The following DMD variants were observed in gnomAD, a reference collection of about 807,000 sequenced individuals.
DMD encodes mutant dystrophin.
DMD carries 63 observed loss-of-function variants against 330.1 expected under a neutral mutation model. That is an observed-to-expected ratio of 0.19 (90% CI 0.16 to 0.24). The LOEUF is 0.24. Ranked by LOEUF, DMD falls within the 10% of genes least tolerant of loss-of-function variation. The pLI is 1.00. For synonymous variants in DMD, 1,223 were observed against 959.8 expected, an observed-to-expected ratio of 1.27 and a Z score of -5.07; for missense variants, 3,344 against 2,684.1, an observed-to-expected ratio of 1.25 and a Z score of -5.43.
rs564166886 is a variant in DMD, at chrX:33,075,199, C to T, written c.32-54999G>A. 4.5e-5 allele frequency among the ~76,000 whole-genome samples: 5 copies of T among 111,825 alleles called. No homozygotes were observed. In the South Asian group the frequency reaches 1.9e-3, roughly 42 times the overall value. On this transcript the variant is annotated intron_variant, in intron 1 of 78. Transcript: ENST00000357033. The stretch of plus-strand genomic sequence containing the variant: ...TGACTGATGGCTCCACCTGCACCTG[C>T]CAACTGCTCCTGTGGCCCCGCCCAG...
At chrX:31,173,701 T>G in intron 71 of DMD, 97 bp from the exon 72 acceptor site, 1 of 685,695 alleles carries the variant, frequency 1.5e-6, no homozygotes. Flanking sequence ...TAGAATGCTT[T>G]TATTCTAATT....
intron 60 of DMD, among the ~76,000 whole-genome samples, chrX:31,376,918 C>G (rs1216946899): frequency 8.9e-6 from 1 of 112,068 alleles, no homozygotes; most frequent in African/African-American, 3.2e-5. Context: ...CCTTGCGGTT[C>G]TAACCCAGCA....
At chrX:32,700,341 C>G (rs1744012119) in intron 7 of DMD, among the ~76,000 whole-genome samples, 1 of 111,150 alleles carries the variant, frequency 9.0e-6, no homozygotes, top group African/African-American at 3.3e-5. Context: ...CATGATCTCA[C>G]TAACACATGG....
At chrX:32,704,591 C>T (rs1272309630) in intron 7 of DMD, among the ~76,000 whole-genome samples, 1 of 112,324 alleles carries the variant, frequency 8.9e-6, no homozygotes, top group African/African-American at 3.2e-5. Flanking sequence ...TATAAATGTG[C>T]ACTCACAAAG....
chrX:31,868,368 A>T (rs1480742639), intron 48 of DMD, among the ~76,000 whole-genome samples: 1 of 112,478 alleles, frequency 8.9e-6, no homozygotes, highest in Non-Finnish European at 1.9e-5. Flanking sequence ...AACAGAATGA[A>T]ACATTAATCT....
chrX:32,951,200 A>C (rs1470022888), intron 2 of DMD, among the ~76,000 whole-genome samples: 1 of 111,694 alleles, frequency 9.0e-6, no homozygotes, highest in Non-Finnish European at 1.9e-5. Context: ...TTCTGATGGA[A>C]TACAGAGAGT....
rs1381511610 is a variant in DMD at position 32,931,120 on chromosome X, A to G, written c.94-81300T>C. Among the ~76,000 whole-genome samples the G allele has an allele frequency of 3.7e-5, 4 of 109,212 alleles. No homozygotes were observed. The South Asian group carries it at 1.5e-3, about 41-fold the overall frequency. 94.8% of individuals were successfully genotyped at this position (109,212 alleles called of 115,157 possible). ...TTCATATGATTCATATATTATATGG[A>G]TTCATATAGGTTTGTTAAATTAACA... On this transcript the variant is annotated intron_variant, in intron 2 of 78. Transcript: ENST00000357033.
intron 2 of DMD, among the ~76,000 whole-genome samples, chrX:32,868,790 C>A (rs2082720158): frequency 8.9e-6 from 1 of 111,991 alleles, no homozygotes; most frequent in South Asian, 3.7e-4. Context: ...TGGCCATGGT[C>A]TCCGCAGATC....
intron 1 of DMD, among the ~76,000 whole-genome samples, chrX:33,303,229 G>T (rs2053694456): frequency 9.0e-6 from 1 of 111,556 alleles, no homozygotes; most frequent in Non-Finnish European, 1.9e-5. Flanking sequence ...ACATCCATGT[G>T]CAGGGTTTTG....
chrX:31,165,996 GC>G (rs1237610470), intron 74 of DMD, among the ~76,000 whole-genome samples: 1 of 111,491 alleles, frequency 9.0e-6, no homozygotes, highest in African/African-American at 3.3e-5. Context: ...ACAAAGCCAT[GC>G]CTGGTGCTAA....
At chrX:31,611,681 C>A (rs891907540) in intron 55 of DMD, among the ~76,000 whole-genome samples, 2 of 111,138 alleles carry the variant, frequency 1.8e-5, no homozygotes, top group Non-Finnish European at 3.8e-5. Flanking sequence ...CTGCCTCAGC[C>A]TCCAGTGTGT....
chrX:32,055,617 C>G (rs922051263), intron 44 of DMD, among the ~76,000 whole-genome samples: 6 of 111,338 alleles, frequency 5.4e-5, no homozygotes, highest in Non-Finnish European at 1.9e-5. Context: ...AAAAACATCA[C>G]TAGGTTCTCC....
At chrX:33,325,798 T>C (rs774660828) in intron 1 of DMD, among the ~76,000 whole-genome samples, 1 of 112,005 alleles carries the variant, frequency 8.9e-6, no homozygotes, top group East Asian at 2.8e-4. Flanking sequence ...ACAAGACAAA[T>C]GAAGAACCAC....
intron 2 of DMD, among the ~76,000 whole-genome samples, chrX:32,858,341 T>TA (rs2081768807): frequency 8.9e-6 from 1 of 112,251 alleles, no homozygotes; most frequent in African/African-American, 3.2e-5. Flanking sequence ...ATTTATCATT[T>TA]ATTTTTTGAG....
chrX:32,782,663 G>A lies in DMD; in HGVS notation c.649+26830C>T, dbSNP rs1016056950. On this transcript the variant is annotated intron_variant, in intron 7 of 78. Transcript: ENST00000357033. ...TATACAGTGGGCCCTCCGTATCTGC[G>A]GGTTCTGTATCTGCAAATTCAAATA... Among the ~76,000 whole-genome samples the A allele has an allele frequency of 6.3e-5, 7 of 110,616 alleles. No individual in the cohort carries two copies. In the South Asian group the frequency reaches 1.5e-3, roughly 24 times the overall value.
chrX:31,842,005 C>A (rs1425113350), intron 48 of DMD, among the ~76,000 whole-genome samples: 1 of 101,534 alleles, frequency 9.8e-6, no homozygotes, highest in Non-Finnish European at 2.2e-5. Flanking sequence ...GTAGCGATTC[C>A]TCTGATGGAT....
intron 1 of DMD, among the ~76,000 whole-genome samples, chrX:33,242,960 CTGATT>C (rs1320534127): frequency 9.0e-6 from 1 of 111,426 alleles, no homozygotes; most frequent in Non-Finnish European, 1.9e-5. Context: ...TTCCTTCTTA[CTGATT>C]TGTTTGTGTT....
At chrX:32,999,786 A>G (rs1389470939) in intron 2 of DMD, among the ~76,000 whole-genome samples, 2 of 96,868 alleles carry the variant, frequency 2.1e-5, no homozygotes, top group African/African-American at 7.4e-5. Flanking sequence ...AAAAACAAAA[A>G]CAAAAACAAA....
At chrX:32,354,344 T>C (rs1020580245) in intron 37 of DMD, among the ~76,000 whole-genome samples, 1 of 111,360 alleles carries the variant, frequency 9.0e-6, no homozygotes, top group Non-Finnish European at 1.9e-5. Context: ...ACAATATTGA[T>C]ATAGAAAAAT....
Sources: allele counts gnomAD v4.1 joint callset (sites outside exome capture counted in the v4.1 genomes callset), GRCh38; gene constraint gnomAD v4.1.1; transcripts MANE v1.5; gene names NCBI Gene and HGNC (gene_info 2026-07-23, HGNC 2026-07-21).